FANCD2: variants seen among roughly 807,000 people sequenced by gnomAD.
The protein encoded by FANCD2 is FA complementation group D2, also known as Fanconi anemia group D2 protein.
In FANCD2, 131 loss-of-function variants were observed where a neutral mutation model predicts 192.3. That is an observed-to-expected ratio of 0.68 (90% CI 0.59 to 0.79). The LOEUF (loss-of-function observed/expected upper bound fraction) is 0.79, where lower values mean the gene tolerates loss of function less well. Ranked by LOEUF, FANCD2 falls within the 30% of genes least tolerant of loss-of-function variation. The pLI is 0.00. For synonymous variants in FANCD2, 524 were observed against 612.5 expected, an observed-to-expected ratio of 0.86 and a Z score of 2.13; for missense variants, 1,508 against 1,701.6, an observed-to-expected ratio of 0.89 and a Z score of 2.00.
At chr3:10,060,529 A>T (rs1035400897) in intron 19 of FANCD2, 126 bp downstream of exon 19, 4 of 753,044 alleles carry the variant, frequency 5.3e-6, no homozygotes, top group Admixed American at 2.0e-5. Context: ...GTGTTTTGCT[A>T]CTTTTCCATG....
intron 38 of FANCD2, among the ~76,000 whole-genome samples, chr3:10,092,850 C>G (rs577076153): frequency 1.3e-5 from 2 of 152,004 alleles, no homozygotes; most frequent in East Asian, 3.9e-4. Context: ...TGCCACCACA[C>G]CCAGCTAATT....
At chr3:10,044,094 A>G (rs1320979490) in intron 14 of FANCD2, among the ~76,000 whole-genome samples, 4 of 152,166 alleles carry the variant, frequency 2.6e-5, no homozygotes, top group Admixed American at 2.6e-4. Flanking sequence ...AGTATCCACA[A>G]GGGGAAATAC....
rs745779297 is a variant in FANCD2 at position 10,043,113 on chromosome 3, G to A, written c.952G>A (p.Ala318Thr). Reference sequence around the variant, plus strand: ...TTGTGTTTTGCCATCACGGTTACAGGCTTCCCAAGTAAAGTTGAAAAGTAA... The same window carrying A: ...TTGTGTTTTGCCATCACGGTTACAGACTTCCCAAGTAAAGTTGAAAAGTAA... The part of the protein sequence containing the change: ...QHCVLPSRLQ[A>T]SQVKLKSKGR... Residue 318 changes from alanine (A) to threonine (T), a missense_variant, in exon 12 of 44, where the codon GCT becomes ACT. Ala to Thr is a moderately conservative substitution (Grantham distance 58). Coordinates refer to ENST00000675286, the MANE Select transcript of FANCD2 (RefSeq NM_001018115.3). 1.2e-6 allele frequency: 2 copies of A among 1,614,058 alleles called. No homozygotes were observed. Among genetic ancestry groups the A allele is most frequent in the East Asian group, 4.5e-5 (2 of 44,864 alleles).
chr3:10,041,764 C>A, intron 10 of FANCD2, 54 bp downstream of exon 10: 2 of 1,222,428 alleles, frequency 1.6e-6, no homozygotes, highest in Non-Finnish European at 2.4e-6. Context: ...CCTCCCAGAA[C>A]AAGTGTCAGT....
chr3:10,096,062 T>C (rs1015421427), intron 41 of FANCD2, among the ~76,000 whole-genome samples: 2 of 152,158 alleles, frequency 1.3e-5, no homozygotes, highest in African/African-American at 2.4e-5. Context: ...TTCAAGAATA[T>C]TTTAGGTAAA....
chr3:10,092,599 ACT>A (rs1694707277), intron 38 of FANCD2, among the ~76,000 whole-genome samples: 1 of 145,398 alleles, frequency 6.9e-6, no homozygotes, highest in East Asian at 2.0e-4. Flanking sequence ...CTTTAAACAC[ACT>A]GTGCTCTCAC....
At chr3:10,073,976 C>T (rs1326648837) in intron 28 of FANCD2, among the ~76,000 whole-genome samples, 1 of 152,044 alleles carries the variant, frequency 6.6e-6, no homozygotes, top group Non-Finnish European at 1.5e-5. Context: ...GATGGAGTCT[C>T]ACTCTGTCAC....
In FANCD2 at chr3:10,040,478, G is replaced by C. The variant is rs1029822779; in HGVS notation, c.695+633G>C. The C allele has an allele frequency of 6.6e-6, 3 of 456,384 alleles. No homozygotes were observed. The East Asian group carries it at 2.1e-4, about 32-fold the overall frequency. 28.3% of individuals were successfully genotyped at this position (456,384 alleles called of 1,614,324 possible). On this transcript the variant is annotated intron_variant, in intron 9 of 43. Transcript: ENST00000675286. ...GTTCTTCAGGGGGTCCTTAACCCTG[G>C]CTGCACATTAAAATCATTTGTGGAG...
At chr3:10,059,837 G>A (rs2087513833) in intron 18 of FANCD2, among the ~76,000 whole-genome samples, 1 of 151,524 alleles carries the variant, frequency 6.6e-6, no homozygotes, top group African/African-American at 2.4e-5. Context: ...CCATTTCACA[G>A]ATGTAAAAAT....
intron 29 of FANCD2, among the ~76,000 whole-genome samples, chr3:10,076,260 A>G (rs1693536250): frequency 6.6e-6 from 1 of 151,280 alleles, no homozygotes; most frequent in African/African-American, 2.5e-5. Context: ...TGAACAGACA[A>G]AAGGGAAATT....
intron 35 of FANCD2, 114 bp downstream of exon 35, chr3:10,088,656 T>C (rs1233489580): frequency 9.3e-7 from 1 of 1,079,952 alleles, no homozygotes; most frequent in African/African-American, 1.6e-5. Context: ...AACAATGAAG[T>C]AGGTTAAAAA....
At position 10,098,906 on chromosome 3, in the gene FANCD2, G is replaced by A. The variant is rs771414227; in HGVS notation, c.4281+91G>A. The A allele has an allele frequency of 6.2e-7, 1 of 1,613,928 alleles. No homozygotes were observed. The highest frequency in any genetic ancestry group is 8.5e-7 in the Non-Finnish European group (1 of 1,179,990). On this transcript the variant is annotated intron_variant, in intron 43 of 43. Coordinates refer to ENST00000675286, the MANE Select transcript of FANCD2 (RefSeq NM_001018115.3). ...GTGGAGCAGAACTTTGCCTACTTATGTTTATTGTCAAATGCTTCTATGCCC... is the reference window on the plus strand; with the variant it reads ...GTGGAGCAGAACTTTGCCTACTTATATTTATTGTCAAATGCTTCTATGCCC...
chr3:10,063,418 C>T (rs185182530), intron 20 of FANCD2, among the ~76,000 whole-genome samples: 337 of 152,264 alleles, frequency 2.2e-3, no homozygotes, highest in African/African-American at 7.8e-3. Flanking sequence ...GCCTGGACGA[C>T]AGAGCAAGGC....
chr3:10,071,208 A>G (rs1441915693), intron 26 of FANCD2, among the ~76,000 whole-genome samples: 2 of 152,040 alleles, frequency 1.3e-5, no homozygotes, highest in Admixed American at 6.6e-5. Context: ...TGGTGAGAAT[A>G]TGGAGAAAAG....
Position 10,062,164 on chromosome 3 carries a change from A to AG in FANCD2, c.1781dup (p.Ser594ArgfsTer12). 1 of 1,611,978 alleles carries AG rather than the reference A, an allele frequency of 6.2e-7. No individual in the cohort carries two copies. Among genetic ancestry groups the AG allele is most frequent in the East Asian group, 2.2e-5 (1 of 44,870 alleles). ...CTTTGTTTTTAGAAGTGAATCACCT[A>AG]GTTTGACCCAAGAGAGAGCCAACCT... On this transcript the variant is annotated frameshift_variant, in exon 20 of 44. Coordinates refer to ENST00000675286, the MANE Select transcript of FANCD2 (RefSeq NM_001018115.3). LOFTEE classifies it high-confidence loss of function.
intron 26 of FANCD2, among the ~76,000 whole-genome samples, chr3:10,069,470 TCC>T (rs1491407342): frequency 1.0e-4 from 8 of 78,078 alleles, no homozygotes; most frequent in Middle Eastern, 5.3e-3. Flanking sequence ...CCTCTCCCCC[TCC>T]CCCTCCCCCT....
Position 10,078,192 on chromosome 3 carries a change from C to T in FANCD2, c.2971C>T (p.Leu991Phe). 1 of 1,595,960 alleles carries T rather than the reference C, an allele frequency of 6.3e-7. No homozygotes were observed. The highest frequency in any genetic ancestry group is 1.3e-5 in the African/African-American group (1 of 74,672). ...TCCTATTGCCAGGAGAGTCCCCTTT[C>T]TCAAGGTTAGTGTAGGCAGAAGCAT... ...TPPIARRVPFLKNKGSRNIGF... is the reference protein window; with the variant it reads ...TPPIARRVPFFKNKGSRNIGF... The change falls in exon 30 of 44, where the codon CTC becomes TTC. Residue 991 changes from leucine (L) to phenylalanine (F), a missense_variant. By Grantham distance (22) the Leu-to-Phe change is conservative. Coordinates refer to ENST00000675286, the MANE Select transcript of FANCD2 (RefSeq NM_001018115.3).
chr3:10,069,055 C>G (rs933903816), intron 26 of FANCD2, among the ~76,000 whole-genome samples: 5 of 152,146 alleles, frequency 3.3e-5, no homozygotes, highest in African/African-American at 1.2e-4. Flanking sequence ...CAACAAAAAA[C>G]ATTCAGAAAA....
intron 12 of FANCD2, 64 bp from the exon 13 acceptor site, chr3:10,043,420 C>A: frequency 1.5e-6 from 2 of 1,344,662 alleles, no homozygotes; most frequent in East Asian, 4.6e-5. Flanking sequence ...GGCAGGAACT[C>A]CGATCTTGTA....
Sources: gnomAD v4.1 joint callset for allele counts (sites outside exome capture counted in the v4.1 genomes callset) on GRCh38, gnomAD v4.1.1 for gene constraint, MANE v1.5 for transcripts, NCBI Gene and HGNC (gene_info 2026-07-23, HGNC 2026-07-21) for gene names.